Variants in AFF2 observed in about 807,000 individuals in gnomAD.
AFF2 encodes the protein AF4/FMR2 family member 2.
In AFF2, 14 loss-of-function variants were observed where a neutral mutation model predicts 76.9. That is an observed-to-expected ratio of 0.18 (90% confidence interval 0.12 to 0.28). The LOEUF is 0.28. Among genes scored for constraint, AFF2 ranks in the 10% least tolerant of loss-of-function variants. AFF2 has a pLI of 1.00. For missense variants in AFF2, 868 were observed against 1,001.1 expected, an observed-to-expected ratio of 0.87 and a Z score of 1.79; for synonymous variants, 398 against 366.7, an observed-to-expected ratio of 1.09 and a Z score of -0.98.
chrX:148,839,983 TTGA>T (rs1456025647), intron 5 of AFF2, among the ~76,000 whole-genome samples: 3 of 108,978 alleles, frequency 2.8e-5, no homozygotes, highest in Non-Finnish European at 5.7e-5. Flanking sequence ...GGTAAAATAG[TTGA>T]TGATTCTGTA....
intron 3 of AFF2, among the ~76,000 whole-genome samples, chrX:148,698,869 T>C (rs2054755254): frequency 9.2e-6 from 1 of 108,278 alleles, no homozygotes; most frequent in Non-Finnish European, 1.9e-5. Context: ...CTGAACTTCT[T>C]TAATACCAGG....
intron 3 of AFF2, among the ~76,000 whole-genome samples, chrX:148,681,559 TGTGTCAGTGTGTGTGTGTGTGTGTGA>T (rs1392022896): frequency 2.7e-5 from 2 of 73,999 alleles, no homozygotes; most frequent in African/African-American, 1.1e-4. Context: ...TGTGTGTGTG[TGTGTCAGTGTGTGTGTGTGTGTGTGA>T]GAGAGAGAGA....
At chrX:148,622,704 G>A (rs1453040842) in intron 1 of AFF2, among the ~76,000 whole-genome samples, 1 of 111,386 alleles carries the variant, frequency 9.0e-6, no homozygotes, top group Non-Finnish European at 1.9e-5. Context: ...TGTCTGCCTT[G>A]AGTATCAGAA....
intron 3 of AFF2, among the ~76,000 whole-genome samples, chrX:148,683,886 C>T (rs1487179144): frequency 9.0e-6 from 1 of 111,549 alleles, no homozygotes; most frequent in African/African-American, 3.3e-5. Flanking sequence ...GCTTTGGAGG[C>T]TTGGGGAACT....
At chrX:148,512,111 G>T (rs1414925875) in intron 1 of AFF2, among the ~76,000 whole-genome samples, 5 of 111,212 alleles carry the variant, frequency 4.5e-5, no homozygotes, top group African/African-American at 1.6e-4. Flanking sequence ...CTCATAATCA[G>T]AAATGAAACT....
intron 1 of AFF2, among the ~76,000 whole-genome samples, chrX:148,582,871 A>C (rs2124357362): frequency 8.9e-6 from 1 of 112,416 alleles, no homozygotes; most frequent in Non-Finnish European, 1.9e-5. Context: ...GTTCACAAAC[A>C]AAATGTGATA....
intron 1 of AFF2, among the ~76,000 whole-genome samples, chrX:148,572,249 C>T (rs1182815449): frequency 8.9e-6 from 1 of 111,770 alleles, no homozygotes; most frequent in African/African-American, 3.3e-5. Flanking sequence ...CAAGAAGATA[C>T]ACAGCAACAA....
chrX:148,517,793 G>A lies in AFF2; in HGVS notation c.47+16649G>A, dbSNP rs1035149286. Reference sequence around the variant, plus strand: ...AGCACTTTGGGAGGCCGAGGCAGGCGGATCACGAGGTCAGGAGATCGAGAC... The same window carrying A: ...AGCACTTTGGGAGGCCGAGGCAGGCAGATCACGAGGTCAGGAGATCGAGAC... On this transcript the variant is annotated intron_variant, in intron 1 of 20. Coordinates refer to ENST00000370460, the MANE Select transcript of AFF2 (RefSeq NM_002025.4). Among the ~76,000 whole-genome samples, 8 of 110,092 alleles carry A rather than the reference G, an allele frequency of 7.3e-5. No homozygotes were observed. In the South Asian group the frequency reaches 1.2e-3, roughly 16 times the overall value.
intron 4 of AFF2, among the ~76,000 whole-genome samples, chrX:148,836,502 T>C (rs1428420500): frequency 9.0e-6 from 1 of 111,640 alleles, no homozygotes; most frequent in African/African-American, 3.3e-5. Flanking sequence ...AAAAAACAAG[T>C]ATTATGTAAC....
intron 20 of AFF2, among the ~76,000 whole-genome samples, chrX:148,990,473 T>G (rs1408354379): frequency 8.9e-6 from 1 of 112,461 alleles, no homozygotes; most frequent in African/African-American, 3.2e-5. Context: ...TTAGAGATCA[T>G]ATAGTTTTTC....
intron 19 of AFF2, among the ~76,000 whole-genome samples, chrX:148,985,523 G>C (rs12007360): frequency 2.8e-5 from 3 of 108,847 alleles, no homozygotes; most frequent in East Asian, 2.9e-4. Context: ...AAGAATTACA[G>C]ACGAGAAAGT....
At chrX:148,687,329 A>G (rs1188388262) in intron 3 of AFF2, among the ~76,000 whole-genome samples, 1 of 112,182 alleles carries the variant, frequency 8.9e-6, no homozygotes, top group Non-Finnish European at 1.9e-5. Context: ...ATTTTTTTAG[A>G]TGTCCAAAAA....
intron 3 of AFF2, among the ~76,000 whole-genome samples, chrX:148,701,349 T>C (rs1456032847): frequency 9.0e-6 from 1 of 111,276 alleles, no homozygotes; most frequent in Non-Finnish European, 1.9e-5. Flanking sequence ...TTTTTAAAAA[T>C]GGCACTTTAA....
chrX:148,743,459 G>A (rs782131541), intron 3 of AFF2, among the ~76,000 whole-genome samples: 10 of 112,053 alleles, frequency 8.9e-5, no homozygotes, highest in Non-Finnish European at 1.9e-4. Context: ...TTCTTATTAT[G>A]TACAGATATT....
intron 3 of AFF2, among the ~76,000 whole-genome samples, chrX:148,743,519 A>C (rs1557265866): frequency 8.9e-6 from 1 of 111,782 alleles, no homozygotes; most frequent in Non-Finnish European, 1.9e-5. Flanking sequence ...CGGTAATGAT[A>C]TTTAAATTTT....
intron 3 of AFF2, among the ~76,000 whole-genome samples, chrX:148,753,950 G>A (rs1325836093): frequency 9.0e-6 from 1 of 111,229 alleles, no homozygotes; most frequent in Non-Finnish European, 1.9e-5. Flanking sequence ...GCTAAGGGGT[G>A]CAGAATACAA....
chrX:148,577,896 T>G (rs1243026555), intron 1 of AFF2, among the ~76,000 whole-genome samples: 2 of 112,239 alleles, frequency 1.8e-5, no homozygotes, highest in African/African-American at 6.5e-5. Flanking sequence ...AGGCTGTGCC[T>G]GTGCTTTCAT....
chrX:148,533,534 C>T (rs1284899663), intron 1 of AFF2, among the ~76,000 whole-genome samples: 4 of 111,298 alleles, frequency 3.6e-5, no homozygotes, highest in South Asian at 3.8e-4. Context: ...CCTCGTGATC[C>T]GCCTGCATCG....
chrX:148,587,800 T>C (rs1569551792), intron 1 of AFF2, among the ~76,000 whole-genome samples: 1 of 112,155 alleles, frequency 8.9e-6, no homozygotes. Flanking sequence ...GAAGACATAT[T>C]AGTTTTTCAG....
Sources: allele counts gnomAD v4.1 joint callset (sites outside exome capture counted in the v4.1 genomes callset), GRCh38; gene constraint gnomAD v4.1.1; transcripts MANE v1.5; gene names NCBI Gene and HGNC (gene_info 2026-07-23, HGNC 2026-07-21).